Variants in PSPC1 observed in about 807,000 individuals in gnomAD.
PSPC1 encodes paraspeckle protein 1.
PSPC1 carries 14 observed loss-of-function variants against 51.6 expected under a neutral mutation model. That is an observed-to-expected ratio of 0.27 (90% confidence interval 0.18 to 0.42). The LOEUF is 0.42. Among genes scored for constraint, PSPC1 ranks in the 10% least tolerant of loss-of-function variants. The probability of loss-of-function intolerance (pLI) is 1.00; values close to 1 mark genes in which losing one functional copy is unlikely to be tolerated. For missense variants in PSPC1, 406 were observed against 701.1 expected (o/e 0.58, Z 4.75); for synonymous variants, 193 against 231.9 (o/e 0.83, Z 1.53).
chr13:19,731,033 G>C (rs1884046401), intron 5 of PSPC1, among the ~76,000 whole-genome samples: 1 of 146,382 alleles, frequency 6.8e-6, no homozygotes, highest in South Asian at 2.1e-4. Context: ...AGTTCTTAAA[G>C]CCACTCAGAA....
At chr13:19,714,003 T>C (rs1432028188) in intron 6 of PSPC1, among the ~76,000 whole-genome samples, 1 of 152,200 alleles carries the variant, frequency 6.6e-6, no homozygotes, top group Non-Finnish European at 1.5e-5. Context: ...GGGCCCAATT[T>C]TTACTAGTAA....
intron 6 of PSPC1, 83 bp downstream of exon 6, chr13:19,730,156 T>C: frequency 8.2e-7 from 1 of 1,216,948 alleles, no homozygotes; most frequent in South Asian, 1.3e-5. Context: ...GACTACTGTA[T>C]AAACCAAAAT....
At chr13:19,738,404 A>G (rs1035347049) in intron 5 of PSPC1, among the ~76,000 whole-genome samples, 1 of 152,176 alleles carries the variant, frequency 6.6e-6, no homozygotes, top group African/African-American at 2.4e-5. Flanking sequence ...TAGTATTCGC[A>G]TATAACCTAT....
At chr13:19,730,172 G>C in intron 6 of PSPC1, 67 bp downstream of exon 6, 2 of 1,335,684 alleles carry the variant, frequency 1.5e-6, no homozygotes, top group Non-Finnish European at 2.1e-6. Context: ...AAAATCTAAA[G>C]CATTCTAAAT....
In PSPC1 at chr13:19,782,641, G is replaced by C. The variant is rs1232224516; in HGVS notation, c.117C>G (p.Leu39=). The C allele has an allele frequency of 6.4e-6, 10 of 1,565,156 alleles. No individual in the cohort carries two copies. The highest frequency in any genetic ancestry group is 8.6e-6 in the Non-Finnish European group (10 of 1,162,656). The stretch of plus-strand genomic sequence containing the variant: ...GCGGTGCCGGCTCCCCGGCAAGAGC[G>C]AGCGCCATGGCTGCCGCGGCCGCCG... ...SEPAAAAAMA[L]ALAGEPAPPA... The change falls in exon 1 of 9, where the codon CTC becomes CTG. Residue 39 remains leucine (L), a synonymous_variant. Coordinates refer to ENST00000338910, the MANE Select transcript of PSPC1 (RefSeq NM_001354909.2). This position sits in a 1 kb window ranked among gnomAD's most constrained non-coding sequence, Gnocchi z 4.5.
At chr13:19,685,739 T>C (rs1877798943) in intron 6 of PSPC1, among the ~76,000 whole-genome samples, 1 of 152,232 alleles carries the variant, frequency 6.6e-6, no homozygotes, top group Non-Finnish European at 1.5e-5. Flanking sequence ...TTGACCATTC[T>C]AGTTTCCTTT....
chr13:19,730,216 T>C, intron 6 of PSPC1, 23 bp downstream of exon 6: 1 of 1,573,906 alleles, frequency 6.4e-7, no homozygotes, highest in East Asian at 2.2e-5. Context: ...AAAATCATTT[T>C]AGTTAACTAG....
rs139598782 is a variant in PSPC1, at chr13:19,734,378, T to C, written c.1053-4034A>G. Reference sequence around the variant, plus strand: ...AATTATTTACAGGTCTCAAATATTCTTGCAGGATTCTGAAAGACGCCTACT... The same window carrying C: ...AATTATTTACAGGTCTCAAATATTCCTGCAGGATTCTGAAAGACGCCTACT... On this transcript the variant is annotated intron_variant, in intron 5 of 8. Transcript: ENST00000338910. Among the ~76,000 whole-genome samples, 386 of 152,360 alleles carry C rather than the reference T, an allele frequency of 2.5e-3. 1 individual carries two copies. Among genetic ancestry groups the C allele is most frequent in the African/African-American group, 8.7e-3 (360 of 41,590 alleles).
At chr13:19,746,378 G>A (rs1885982960) in intron 4 of PSPC1, among the ~76,000 whole-genome samples, 1 of 151,666 alleles carries the variant, frequency 6.6e-6, no homozygotes, top group South Asian at 2.1e-4. Context: ...CTCCAGCCTG[G>A]GCAACAGAGC....
intron 3 of PSPC1, among the ~76,000 whole-genome samples, chr13:19,758,945 A>T (rs1306198697): frequency 2.0e-5 from 3 of 152,102 alleles, no homozygotes; most frequent in African/African-American, 7.2e-5. Context: ...CAGTTATAAA[A>T]GTAGACATTT....
chr13:19,730,748 G>A lies in PSPC1; in HGVS notation c.1053-404C>T, dbSNP rs545113372. 6.6e-3 allele frequency among the ~76,000 whole-genome samples: 995 copies of A among 151,702 alleles called. 5 individuals are homozygous for A. Among genetic ancestry groups the A allele is most frequent in the Non-Finnish European group, 0.012 (803 of 67,874 alleles). ...TGAGGCGAGTACATCACCTGAGGTCGGGAATTCAAGACCTGCCTGGCCAAC... is the reference window on the plus strand; with the variant it reads ...TGAGGCGAGTACATCACCTGAGGTCAGGAATTCAAGACCTGCCTGGCCAAC... On this transcript the variant is annotated intron_variant, in intron 5 of 8. Coordinates refer to ENST00000338910, the MANE Select transcript of PSPC1 (RefSeq NM_001354909.2).
chr13:19,762,942 C>G (rs750494392), intron 2 of PSPC1, among the ~76,000 whole-genome samples: 1 of 151,926 alleles, frequency 6.6e-6, no homozygotes, highest in Non-Finnish European at 1.5e-5. Context: ...CCCGTCTCTA[C>G]TAAATACAAA....
intron 7 of PSPC1, among the ~76,000 whole-genome samples, chr13:19,676,880 T>C (rs1343811415): frequency 6.6e-6 from 1 of 152,056 alleles, no homozygotes; most frequent in African/African-American, 2.4e-5. Context: ...AACCGAAAAA[T>C]TGTGACCCCT....
At chr13:19,681,729 A>T (rs763676055) in intron 6 of PSPC1, among the ~76,000 whole-genome samples, 6 of 152,328 alleles carry the variant, frequency 3.9e-5, no homozygotes, top group Non-Finnish European at 8.8e-5. Context: ...CATGTTATCT[A>T]ACATAACCAC....
intron 5 of PSPC1, among the ~76,000 whole-genome samples, chr13:19,738,715 G>A (rs1415995813): frequency 6.6e-6 from 1 of 151,996 alleles, no homozygotes; most frequent in East Asian, 1.9e-4. Flanking sequence ...AGACCATCCT[G>A]GCTAACACGG....
chr13:19,713,890 T>C (rs1316933558), intron 6 of PSPC1, among the ~76,000 whole-genome samples: 1 of 152,216 alleles, frequency 6.6e-6, no homozygotes, highest in African/African-American at 2.4e-5. Flanking sequence ...TTAGTTATAG[T>C]ACTATCATCA....
At chr13:19,777,146 G>A (rs1473964853) in intron 1 of PSPC1, among the ~76,000 whole-genome samples, 1 of 130,146 alleles carries the variant, frequency 7.7e-6, no homozygotes, top group Non-Finnish European at 1.6e-5. Context: ...AAGAGGCCAG[G>A]CACAGTGGCT....
intron 4 of PSPC1, among the ~76,000 whole-genome samples, chr13:19,742,093 C>T (rs899730562): frequency 6.6e-6 from 1 of 152,036 alleles, no homozygotes; most frequent in African/African-American, 2.4e-5. Context: ...GATTGTGCCA[C>T]TGCACTCCAG....
intron 1 of PSPC1, among the ~76,000 whole-genome samples, chr13:19,778,210 C>A (rs1391578579): frequency 6.6e-6 from 1 of 151,696 alleles, no homozygotes; most frequent in Non-Finnish European, 1.5e-5. Context: ...CCACTGCACT[C>A]CAACGTGGTG....
Sources: allele counts gnomAD v4.1 joint callset (sites outside exome capture counted in the v4.1 genomes callset), GRCh38; gene constraint gnomAD v4.1.1; non-coding constraint Gnocchi (gnomAD v3.1); transcripts MANE v1.5; gene names NCBI Gene and HGNC (gene_info 2026-07-23, HGNC 2026-07-21).